Variants in PRELID3A observed in about 807,000 individuals in gnomAD.
PRELID3A encodes PRELI domain containing protein 3A.
In PRELID3A, 27 loss-of-function variants were observed where a neutral mutation model predicts 23.0. That is an observed-to-expected ratio of 1.17 (90% CI 0.87 to 1.62). PRELID3A has a LOEUF of 1.62. PRELID3A is among the 40% of genes most tolerant of loss of function. The pLI is 0.00. For synonymous variants in PRELID3A, 87 were observed against 86.4 expected (o/e 1.01, Z -0.04); for missense variants, 231 against 231.4 (o/e 1.00, Z 0.01).
At position 12,427,710 on chromosome 18, in the gene PRELID3A, A is replaced by G. The variant is rs186330261; in HGVS notation, c.465+387A>G. On this transcript the variant is annotated intron_variant, in intron 5 of 6. Transcript: ENST00000440960. ...CTGTCTTAAAAAAAAAAATAAAAAT[A>G]AAAATAAAAAATAAATAAATAAAAT... 5.3e-4 allele frequency among the ~76,000 whole-genome samples: 80 copies of G among 151,918 alleles called. No homozygotes were observed. In the East Asian group the frequency reaches 0.012, roughly 23 times the overall value.
intron 6 of PRELID3A, among the ~76,000 whole-genome samples, chr18:12,430,395 G>T (rs1301242161): frequency 6.7e-6 from 1 of 150,060 alleles, no homozygotes; most frequent in Admixed American, 6.7e-5. Flanking sequence ...AGCGTGTATG[G>T]TGTGCATGTG....
chr18:12,419,138 A>G (rs1236953188), intron 1 of PRELID3A, among the ~76,000 whole-genome samples: 4 of 151,630 alleles, frequency 2.6e-5, no homozygotes, highest in Admixed American at 6.6e-5. Flanking sequence ...CCTGGCCAAC[A>G]TGGTGAAATC....
rs1054087660 is a variant in PRELID3A at position 12,409,178 on chromosome 18, T to G, written c.32+1171T>G. Among the ~76,000 whole-genome samples, 1,018 of 143,124 alleles carry G rather than the reference T, an allele frequency of 7.1e-3. 10 individuals are homozygous for G. The highest frequency in any genetic ancestry group is 0.025 in the African/African-American group (936 of 38,128). 93.9% of individuals were successfully genotyped at this position (143,124 alleles called of 152,430 possible). A position where few individuals can be genotyped will look rare whatever the true frequency, so the allele number is the denominator to read the frequency against. On this transcript the variant is annotated intron_variant, in intron 1 of 6. Transcript: ENST00000440960. ...GGCTGGGTTTTTTTTTTTTTTTTTT[T>G]TTTTTTGAGACATAGGCTCGCTGGG...
At chr18:12,424,978 A>G (rs956912296) in intron 3 of PRELID3A, among the ~76,000 whole-genome samples, 4 of 152,118 alleles carry the variant, frequency 2.6e-5, no homozygotes, top group African/African-American at 9.7e-5. Context: ...CCCCATCTCT[A>G]CTAAAAATAC....
At chr18:12,416,628 T>G (rs897948462) in intron 1 of PRELID3A, among the ~76,000 whole-genome samples, 12 of 150,390 alleles carry the variant, frequency 8.0e-5, no homozygotes, top group Non-Finnish European at 1.6e-4. Context: ...AAGGCTATTT[T>G]CTTTTCTTTT....
At chr18:12,426,372 G>T (rs1173510127) in intron 3 of PRELID3A, among the ~76,000 whole-genome samples, 1 of 150,176 alleles carries the variant, frequency 6.7e-6, no homozygotes, top group Admixed American at 6.7e-5. Flanking sequence ...GGCTAACACG[G>T]TGAAACTCCG....
At chr18:12,414,492 G>T (rs1040772338) in intron 1 of PRELID3A, among the ~76,000 whole-genome samples, 6 of 152,200 alleles carry the variant, frequency 3.9e-5, no homozygotes, top group Admixed American at 3.9e-4. Flanking sequence ...TTGGGAGGCC[G>T]AGGTGGGTGG....
At position 12,420,505 on chromosome 18, in the gene PRELID3A, G is replaced by A. The variant is rs375924100; in HGVS notation, c.201+12G>A. Reference sequence around the variant, plus strand: ...GCCTCGTGAGAGCGGTGAGCGGGGCGGGGGCTGCGGCTCCGAACGCGCCCG... The same window carrying A: ...GCCTCGTGAGAGCGGTGAGCGGGGCAGGGGCTGCGGCTCCGAACGCGCCCG... On this transcript the variant is annotated intron_variant, in intron 2 of 6. Transcript: ENST00000440960. 225 of 1,512,164 alleles carry A rather than the reference G, an allele frequency of 1.5e-4. 1 individual carries two copies. In the East Asian group the frequency reaches 4.3e-3, roughly 29 times the overall value. 93.7% of individuals were successfully genotyped at this position (1,512,164 alleles called of 1,614,324 possible).
intron 5 of PRELID3A, among the ~76,000 whole-genome samples, chr18:12,429,068 T>G (rs1466860004): frequency 1.3e-5 from 2 of 152,146 alleles, no homozygotes; most frequent in Non-Finnish European, 2.9e-5. Context: ...TGGGGCAGCC[T>G]CAGCGCTGGG....
chr18:12,419,325 CAA>C (rs71172083), intron 1 of PRELID3A, among the ~76,000 whole-genome samples: 1,047 of 104,474 alleles, frequency 0.01, 13 homozygotes, highest in African/African-American at 0.03. Flanking sequence ...GACTCCATAT[CAA>C]AAAAAAAAAA....
intron 2 of PRELID3A, among the ~76,000 whole-genome samples, chr18:12,420,768 G>T (rs1568163423): frequency 2.1e-5 from 2 of 95,348 alleles, no homozygotes; most frequent in Non-Finnish European, 4.4e-5. Context: ...CGGTGGGGGG[G>T]GATCTTCCTC....
chr18:12,408,063 G>C (rs373448265), intron 1 of PRELID3A, 56 bp downstream of exon 1: 7 of 1,234,084 alleles, frequency 5.7e-6, no homozygotes, highest in East Asian at 6.4e-5. Context: ...TCCTGCTCCC[G>C]AGCCCGGCTG....
rs146766862 is a variant in PRELID3A, at chr18:12,424,464, A to G, written c.292-2577A>G. Among the ~76,000 whole-genome samples the G allele has an allele frequency of 3.0e-4, 46 of 152,360 alleles. No individual in the cohort carries two copies. In the East Asian group the frequency reaches 5.4e-3, roughly 18 times the overall value. ...TGAAACACAGTGACTTGCATAAAAT[A>G]TTGCACATAAAATGACAACAGCTAA... On this transcript the variant is annotated intron_variant, in intron 3 of 6. Transcript: ENST00000440960.
chr18:12,422,660 A>G (rs1163353878), intron 3 of PRELID3A, among the ~76,000 whole-genome samples: 3 of 152,074 alleles, frequency 2.0e-5, no homozygotes, highest in East Asian at 1.9e-4. Flanking sequence ...CCTGGCCCCA[A>G]CAGGTATTTT....
Position 12,427,118 on chromosome 18 carries a change from C to A in PRELID3A, c.362+7C>A. 6.2e-7 allele frequency: 1 copy of A among 1,610,912 alleles called. No individual in the cohort carries two copies. Among genetic ancestry groups the A allele is most frequent in the Non-Finnish European group, 8.5e-7 (1 of 1,177,102 alleles). On this transcript the variant is annotated splice_region_variant and intron_variant, in intron 4 of 6. Coordinates refer to ENST00000440960, the MANE Select transcript of PRELID3A (RefSeq NM_001142405.2). ...ATCCAGAGAACCCAGAAATGTGAGT[C>A]ATCTCCTGTGGGATTGACACATTGA... is the stretch of plus-strand genomic sequence containing the variant.
intron 6 of PRELID3A, among the ~76,000 whole-genome samples, chr18:12,430,613 G>C (rs1396644611): frequency 6.7e-6 from 1 of 149,844 alleles, no homozygotes; most frequent in Non-Finnish European, 1.5e-5. Flanking sequence ...GTGTGTGTGT[G>C]CTCTGTGTAT....
intron 2 of PRELID3A, chr18:12,421,224 C>CCTT: frequency 3.0e-6 from 1 of 328,738 alleles, no homozygotes; most frequent in Non-Finnish European, 5.6e-6. Context: ...TATGGTGGTA[C>CCTT]CTTCCTCTTT....
intron 4 of PRELID3A, 48 bp from the exon 5 acceptor site, chr18:12,427,173 C>T (rs763467139): frequency 1.9e-5 from 30 of 1,600,594 alleles, no homozygotes; most frequent in Non-Finnish European, 2.4e-5. Flanking sequence ...GGCAGACCCT[C>T]CTCTCTCTCA....
chr18:12,411,807 C>T (rs920508641), intron 1 of PRELID3A, among the ~76,000 whole-genome samples: 8 of 152,162 alleles, frequency 5.3e-5, no homozygotes, highest in Admixed American at 6.5e-5. Flanking sequence ...TGCAGGCAGC[C>T]GTGAGGATCA....
Sources: allele counts gnomAD v4.1 joint callset (sites outside exome capture counted in the v4.1 genomes callset), GRCh38; gene constraint gnomAD v4.1.1; transcripts MANE v1.5; gene names NCBI Gene and HGNC (gene_info 2026-07-23, HGNC 2026-07-21).